The following QRSL1 variants were observed in gnomAD, a reference collection of about 807,000 sequenced individuals.
QRSL1 encodes the protein glutaminyl-tRNA amidotransferase subunit QRSL1, also known as glutamyl-tRNA(Gln) amidotransferase subunit A, mitochondrial.
In QRSL1, 54 loss-of-function variants were observed where a neutral mutation model predicts 61.6. The ratio of observed to expected loss-of-function variants is 0.88; its 90% CI spans 0.70 to 1.10. The LOEUF (loss-of-function observed/expected upper bound fraction) is 1.10, where lower values mean the gene tolerates loss of function less well. QRSL1 is among the 50% of genes least tolerant of loss of function. QRSL1 has a pLI of 0.00. For synonymous variants in QRSL1, 228 were observed against 225.7 expected (o/e 1.01, Z -0.09); for missense variants, 505 against 622.6 (o/e 0.81, Z 2.01).
intron 7 of QRSL1, chr6:106,652,907 T>C (rs1419245497): frequency 1.9e-5 from 13 of 666,946 alleles, no homozygotes; most frequent in African/African-American, 1.1e-4. Context: ...ACTGCCATTA[T>C]AGTGAGAAAG....
At chr6:106,655,342 T>C (rs1039363252) in intron 8 of QRSL1, among the ~76,000 whole-genome samples, 1 of 151,910 alleles carries the variant, frequency 6.6e-6, no homozygotes, top group Non-Finnish European at 1.5e-5. Flanking sequence ...AACTTTAGTA[T>C]TGGTGACAAA....
chr6:106,647,440 C>T (rs1265500323), intron 4 of QRSL1, among the ~76,000 whole-genome samples: 1 of 151,024 alleles, frequency 6.6e-6, no homozygotes, highest in East Asian at 2.0e-4. Context: ...GTCCCAGCTA[C>T]TCGAGAGGCA....
Position 106,636,670 on chromosome 6 carries a change from T to A in QRSL1, c.25-3679T>A, listed in dbSNP as rs544409257. Among the ~76,000 whole-genome samples, 438 of 152,298 alleles carry A rather than the reference T, an allele frequency of 2.9e-3. 5 individuals are homozygous for A. The highest frequency in any genetic ancestry group is 0.01 in the African/African-American group (419 of 41,560). ...CCTCAGGTAGGAACTTCAGTTTTTT[T>A]ATCTGTAAATGGAGATAATAATAGC... On this transcript the variant is annotated intron_variant, in intron 1 of 10. Transcript: ENST00000369046.
chr6:106,646,704 AG>A (rs982578540), intron 4 of QRSL1, among the ~76,000 whole-genome samples: 1 of 152,100 alleles, frequency 6.6e-6, no homozygotes, highest in African/African-American at 2.4e-5. Context: ...TCTTTTAGAT[AG>A]GACACATGAA....
At chr6:106,653,727 G>C (rs145773366) in intron 7 of QRSL1, 19 of 151,896 alleles carry the variant, frequency 1.3e-4, no homozygotes, top group South Asian at 2.1e-4. Context: ...GGGAGGCTGA[G>C]GGGGGAGGAT....
chr6:106,644,284 G>A (rs772558758), intron 4 of QRSL1, among the ~76,000 whole-genome samples: 5 of 152,090 alleles, frequency 3.3e-5, no homozygotes, highest in Non-Finnish European at 5.9e-5. Flanking sequence ...GCTTGGTCCA[G>A]CAAAGTGTTG....
At position 106,643,038 on chromosome 6, in the gene QRSL1, G is replaced by A; in HGVS notation, c.328G>A (p.Asp110Asn). Reference sequence around the variant, plus strand: ...TGCTACAGTAGTTCAGAAGTTGTTGGATCAGGGAGCTCTACTAATGGGAAA... The same window carrying A: ...TGCTACAGTAGTTCAGAAGTTGTTGAATCAGGGAGCTCTACTAATGGGAAA... Reference protein sequence around the residue: ...YNATVVQKLLDQGALLMGKTN... With the variant: ...YNATVVQKLLNQGALLMGKTN... Residue 110 changes from aspartate to asparagine, a missense_variant, in exon 4 of 11, where the codon GAT (aspartate) becomes AAT (asparagine). Physicochemically the swap from Asp to Asn is conservative, Grantham distance 23. Transcript: ENST00000369046. The A allele has an allele frequency of 1.2e-6, 2 of 1,613,410 alleles. No individual in the cohort carries two copies. The highest frequency in any genetic ancestry group is 2.2e-5 in the East Asian group (1 of 44,850).
At chr6:106,642,739 C>A (rs11153019) in intron 3 of QRSL1, 262,309 of 737,106 alleles carry the variant, frequency 0.36, 49,768 homozygotes, top group Non-Finnish European at 0.41. Context: ...ACAGTAAGTA[C>A]TGTAAGAGCC....
intron 4 of QRSL1, among the ~76,000 whole-genome samples, chr6:106,644,168 G>A (rs1020110982): frequency 2.1e-4 from 32 of 152,016 alleles, no homozygotes; most frequent in African/African-American, 5.8e-4. Flanking sequence ...CACCACGCCC[G>A]GCCTTCTTTT....
intron 10 of QRSL1, among the ~76,000 whole-genome samples, chr6:106,665,362 A>T (rs1238372689): frequency 6.6e-6 from 1 of 152,254 alleles, no homozygotes; most frequent in Non-Finnish European, 1.5e-5. Context: ...CTAATTACAT[A>T]TGCATTTGTC....
intron 10 of QRSL1, among the ~76,000 whole-genome samples, chr6:106,664,978 T>G (rs529725020): frequency 2.0e-5 from 3 of 152,288 alleles, no homozygotes; most frequent in East Asian, 3.9e-4. Context: ...CCTTCTACAT[T>G]TATTAGCTAG....
chr6:106,646,744 C>T (rs1185031499), intron 4 of QRSL1, among the ~76,000 whole-genome samples: 2 of 151,946 alleles, frequency 1.3e-5, no homozygotes, highest in African/African-American at 4.8e-5. Context: ...AATTGATAGA[C>T]TTGGCCGGGC....
At chr6:106,634,716 A>T (rs1776894562) in intron 1 of QRSL1, among the ~76,000 whole-genome samples, 1 of 152,046 alleles carries the variant, frequency 6.6e-6, no homozygotes, top group South Asian at 2.1e-4. Flanking sequence ...CAGTGAGGCG[A>T]GATCACATCC....
rs1429846893 is a variant in QRSL1 at position 106,654,859 on chromosome 6, T to C, written c.979T>C (p.Tyr327His). 1.2e-6 allele frequency: 2 copies of C among 1,613,978 alleles called. No individual in the cohort carries two copies. Among genetic ancestry groups the C allele is most frequent in the East Asian group, 4.5e-5 (2 of 44,874 alleles). Residue 327 changes from tyrosine to histidine, a missense_variant, in exon 8 of 11, where the codon TAC (tyrosine) becomes CAC (histidine). Transcript: ENST00000369046. ...LPHTSYSIVC[Y>H]HVLCTSEVAS... ...TCACACCAGTTATTCAATTGTCTGC[T>C]ACCATGTATTGTGCACATCAGAAGT...
At chr6:106,630,750 T>C (rs1387657697) in intron 1 of QRSL1, among the ~76,000 whole-genome samples, 1 of 152,218 alleles carries the variant, frequency 6.6e-6, no homozygotes, top group Non-Finnish European at 1.5e-5. Context: ...CCATCTTCCT[T>C]TTTATTCCAC....
At chr6:106,638,219 G>C (rs1173598976) in intron 1 of QRSL1, among the ~76,000 whole-genome samples, 1 of 152,028 alleles carries the variant, frequency 6.6e-6, no homozygotes. Context: ...TACCATCTTT[G>C]TTCTTCCCAT....
At chr6:106,659,271 C>T (rs772169990) in intron 9 of QRSL1, among the ~76,000 whole-genome samples, 2 of 152,014 alleles carry the variant, frequency 1.3e-5, no homozygotes, top group Non-Finnish European at 2.9e-5. Flanking sequence ...TCGAGACCAG[C>T]CTGGCCAACA....
intron 9 of QRSL1, among the ~76,000 whole-genome samples, chr6:106,657,614 G>A (rs1777291613): frequency 6.6e-6 from 1 of 152,188 alleles, no homozygotes; most frequent in Non-Finnish European, 1.5e-5. Context: ...TCAGTGCCAA[G>A]TTGGGTCAAC....
chr6:106,652,804 A>C (rs1417781746), intron 7 of QRSL1: 1 of 1,424,670 alleles, frequency 7.0e-7, no homozygotes, highest in East Asian at 2.5e-5. Flanking sequence ...TCAATTAGAC[A>C]GTCATGTTAA....
Sources: allele counts gnomAD v4.1 joint callset (sites outside exome capture counted in the v4.1 genomes callset), GRCh38; gene constraint gnomAD v4.1.1; transcripts MANE v1.5; gene names NCBI Gene and HGNC (gene_info 2026-07-23, HGNC 2026-07-21).